The following ANO1 variants were observed in gnomAD, a reference collection of about 807,000 sequenced individuals.
The protein encoded by ANO1 is anoctamin 1, also known as anoctamin-1.
ANO1 carries 59 observed loss-of-function variants against 124.0 expected under a neutral mutation model. That is an observed-to-expected ratio of 0.48 (90% CI 0.39 to 0.59). ANO1 has a LOEUF of 0.59. ANO1 is among the 20% of genes least tolerant of loss of function. The pLI, the probability that ANO1 is intolerant of heterozygous loss-of-function variation, is 0.00. For synonymous variants in ANO1, 529 were observed against 532.0 expected, an observed-to-expected ratio of 0.99 and a Z score of 0.08; for missense variants, 1,059 against 1,328.0, an observed-to-expected ratio of 0.80 and a Z score of 3.15.
intron 22 of ANO1, among the ~76,000 whole-genome samples, chr11:70,176,518 G>A (rs552036458): frequency 1.1e-4 from 17 of 152,254 alleles, no homozygotes; most frequent in Admixed American, 7.2e-4. Context: ...GTTATGATAA[G>A]GGGTTTTGGA....
At chr11:69,968,404 G>T in the ANO1 span, among the ~76,000 whole-genome samples, 2 of 152,210 alleles carry the variant, frequency 1.3e-5, no homozygotes, top group Non-Finnish European at 2.9e-5. Flanking sequence ...CAGACAGGGT[G>T]AGCATTTGCA....
intron 1 of ANO1, among the ~76,000 whole-genome samples, chr11:70,054,793 G>A (rs1443817491): frequency 6.6e-6 from 1 of 151,940 alleles, no homozygotes; most frequent in Non-Finnish European, 1.5e-5. Flanking sequence ...TTCTACTTTG[G>A]ATTTAATATA....
At chr11:69,973,796 C>T in the ANO1 span, among the ~76,000 whole-genome samples, 5 of 150,458 alleles carry the variant, frequency 3.3e-5, no homozygotes, top group East Asian at 4.0e-4. Context: ...GGCTTGAACC[C>T]GGGAGGTGGA....
chr11:70,120,926 G>C (rs34837152), intron 8 of ANO1, among the ~76,000 whole-genome samples: 22,038 of 152,160 alleles, frequency 0.14, 1,714 homozygotes, highest in African/African-American at 0.17. Context: ...CCTGCTCACC[G>C]GGGCTAAGGT....
At chr11:70,140,769 A>G (rs1475024271) in intron 11 of ANO1, among the ~76,000 whole-genome samples, 1 of 152,240 alleles carries the variant, frequency 6.6e-6, no homozygotes, top group Non-Finnish European at 1.5e-5. Context: ...TATTATCTCT[A>G]AAGCGAAATT....
chr11:70,071,730 C>G (rs1857878388), intron 1 of ANO1, among the ~76,000 whole-genome samples: 1 of 152,038 alleles, frequency 6.6e-6, no homozygotes, highest in East Asian at 1.9e-4. Context: ...CTTAAGCAAT[C>G]CTCCCACCTG....
chr11:69,975,479 G>A, the ANO1 span, among the ~76,000 whole-genome samples: 1 of 152,320 alleles, frequency 6.6e-6, no homozygotes. Context: ...CTGTACAAAG[G>A]AGGATTCTAA....
chr11:70,022,297 A>G (rs35372547), intron 1 of ANO1, among the ~76,000 whole-genome samples: 24,247 of 152,166 alleles, frequency 0.16, 2,123 homozygotes, highest in African/African-American at 0.21. Context: ...TAGGTGCTCA[A>G]TAAGGACTTA....
chr11:70,050,577 A>C (rs1410461544), intron 1 of ANO1, among the ~76,000 whole-genome samples: 4 of 152,060 alleles, frequency 2.6e-5, no homozygotes, highest in Admixed American at 2.6e-4. Context: ...CTGCTGCACC[A>C]CTGTTGGGGG....
At chr11:70,035,586 G>A (rs1591048720) in intron 1 of ANO1, among the ~76,000 whole-genome samples, 1 of 150,834 alleles carries the variant, frequency 6.6e-6, no homozygotes, top group African/African-American at 2.4e-5. Context: ...TTGTTACATA[G>A]GTATACAGGT....
chr11:70,182,969 C>T (rs1279892861), intron 24 of ANO1, among the ~76,000 whole-genome samples: 1 of 152,000 alleles, frequency 6.6e-6, no homozygotes, highest in Non-Finnish European at 1.5e-5. Flanking sequence ...AATAGCCGGG[C>T]GTTGTGGCAC....
intron 1 of ANO1, among the ~76,000 whole-genome samples, chr11:70,048,940 G>T (rs2135076153): frequency 6.6e-6 from 1 of 152,188 alleles, no homozygotes; most frequent in East Asian, 1.9e-4. Context: ...GCCACGCCTG[G>T]TGTCTTTGGA....
At chr11:70,033,300 A>C (rs1591047367) in intron 1 of ANO1, among the ~76,000 whole-genome samples, 7 of 152,232 alleles carry the variant, frequency 4.6e-5, no homozygotes, top group Admixed American at 4.6e-4. Flanking sequence ...GACTGGACCC[A>C]GCTCTTCTCT....
intron 16 of ANO1, among the ~76,000 whole-genome samples, chr11:70,159,557 CGTT>C (rs1457583617): frequency 6.6e-6 from 1 of 152,220 alleles, no homozygotes; most frequent in African/African-American, 2.4e-5. Flanking sequence ...AGCGAACAAA[CGTT>C]GGTTGAGCAC....
At chr11:70,054,545 A>G (rs901512237) in intron 1 of ANO1, among the ~76,000 whole-genome samples, 17 of 152,254 alleles carry the variant, frequency 1.1e-4, no homozygotes, top group Non-Finnish European at 7.3e-5. Context: ...GTAGGAAGGT[A>G]TATTTGTCAA....
At chr11:70,001,672 G>A (rs1258838326) in intron 1 of ANO1, among the ~76,000 whole-genome samples, 1 of 152,232 alleles carries the variant, frequency 6.6e-6, no homozygotes, top group African/African-American at 2.4e-5. Flanking sequence ...AAAGGAAGGT[G>A]CTGCCAGGTG....
chr11:70,034,053 C>A (rs2135037996), intron 1 of ANO1, among the ~76,000 whole-genome samples: 1 of 152,258 alleles, frequency 6.6e-6, no homozygotes, highest in Admixed American at 6.5e-5. Context: ...TTGCAGCCAT[C>A]CATTCAACAA....
chr11:70,034,385 T>C (rs1474805254), intron 1 of ANO1, among the ~76,000 whole-genome samples: 2 of 152,076 alleles, frequency 1.3e-5, no homozygotes, highest in African/African-American at 2.4e-5. Context: ...CCTGGGCACC[T>C]TGAGGCATCC....
chr11:70,187,955 G>A lies in ANO1; in HGVS notation c.2912G>A (p.Ser971Asn), dbSNP rs1309778831. The A allele has an allele frequency of 2.5e-6, 4 of 1,575,374 alleles. No individual in the cohort carries two copies. Among genetic ancestry groups the A allele is most frequent in the Non-Finnish European group, 3.4e-6 (4 of 1,161,300 alleles). Residue 971 changes from serine to asparagine, a missense_variant, in exon 26 of 26, where the codon AGC (serine) becomes AAC (asparagine). By Grantham distance (46) the Ser-to-Asn change is conservative. Around this residue, in one of 2 missense-constraint regions of ANO1, gnomAD observed 809 missense variants for 1,094.9 expected, o/e 0.74. Transcript: ENST00000355303. The part of the protein sequence containing the change: ...NHHNTKACPD[S>N]LGSPAPSHAY... Reference sequence around the variant, plus strand: ...CACAACACCAAAGCCTGCCCAGACAGCCTCGGCAGCCCAGCCCCCAGCCAT... The same window carrying A: ...CACAACACCAAAGCCTGCCCAGACAACCTCGGCAGCCCAGCCCCCAGCCAT...
Sources: allele counts gnomAD v4.1 joint callset (sites outside exome capture counted in the v4.1 genomes callset), GRCh38; gene constraint gnomAD v4.1.1; regional missense constraint gnomAD v4.1.1; transcripts MANE v1.5; gene names NCBI Gene and HGNC (gene_info 2026-07-23, HGNC 2026-07-21).